The following LHFPL4 variants were observed in gnomAD, a reference collection of about 807,000 sequenced individuals.
LHFPL4 encodes the protein LHFPL tetraspan subfamily member 4 protein.
In LHFPL4, 6 loss-of-function variants were observed where a neutral mutation model predicts 20.0. That is an observed-to-expected ratio of 0.30 (90% CI 0.16 to 0.59). The LOEUF is 0.59. LHFPL4 is among the 20% of genes least tolerant of loss of function. The pLI is 0.88. For synonymous variants in LHFPL4, 129 were observed against 143.8 expected (o/e 0.90, Z 0.74); for missense variants, 215 against 331.2 (o/e 0.65, Z 2.72).
chr3:9,504,993 A>G (rs2046207197), intron 3 of LHFPL4, among the ~76,000 whole-genome samples: 1 of 151,782 alleles, frequency 6.6e-6, no homozygotes. Context: ...ACTGTGGTAC[A>G]TATAACTGAA....
chr3:9,545,990 G>T (rs927844272), intron 2 of LHFPL4, among the ~76,000 whole-genome samples: 1 of 152,040 alleles, frequency 6.6e-6, no homozygotes, highest in Non-Finnish European at 1.5e-5. Flanking sequence ...CCTGGTTGAG[G>T]TTCCTAGCCC....
chr3:9,521,718 A>G (rs370615955), intron 2 of LHFPL4, among the ~76,000 whole-genome samples: 1 of 141,000 alleles, frequency 7.1e-6, no homozygotes. Flanking sequence ...TTTTTTTTTT[A>G]TTAGTATTAA....
intron 2 of LHFPL4, among the ~76,000 whole-genome samples, chr3:9,548,716 G>T (rs1056891649): frequency 6.6e-6 from 1 of 152,186 alleles, no homozygotes; most frequent in African/African-American, 2.4e-5. Context: ...TATCTTTGAG[G>T]GAATTGGCCT....
At chr3:9,546,604 C>T (rs141886571) in intron 2 of LHFPL4, among the ~76,000 whole-genome samples, 170 of 152,322 alleles carry the variant, frequency 1.1e-3, no homozygotes, top group African/African-American at 4.1e-3. Context: ...CTTGTCCCTT[C>T]TCTCTGAGAC....
At chr3:9,544,526 G>A (rs1449699757) in intron 2 of LHFPL4, among the ~76,000 whole-genome samples, 2 of 152,136 alleles carry the variant, frequency 1.3e-5, no homozygotes, top group Non-Finnish European at 2.9e-5. Context: ...TCGGGAGGCT[G>A]AAGCAGGAGA....
chr3:9,527,577 A>C (rs1252063434), intron 2 of LHFPL4, among the ~76,000 whole-genome samples: 1 of 151,880 alleles, frequency 6.6e-6, no homozygotes, highest in Non-Finnish European at 1.5e-5. Context: ...GCATGGTACA[A>C]GCGCCTGTAG....
rs551493608 is a variant in LHFPL4, at chr3:9,527,406, T to TA, written c.407-21204dup. On this transcript the variant is annotated intron_variant, in intron 2 of 3. Coordinates refer to ENST00000287585, the MANE Select transcript of LHFPL4 (RefSeq NM_198560.3). ...CAACATGGCAAAACTCTGACACTAC[T>TA]AAAAAAAATAATAATAATACAAAAA... Among the ~76,000 whole-genome samples the TA allele has an allele frequency of 2.6e-5, 4 of 151,668 alleles. No homozygotes were observed. The East Asian group carries it at 7.7e-4, about 29-fold the overall frequency.
intron 2 of LHFPL4, among the ~76,000 whole-genome samples, chr3:9,545,870 C>T (rs534021204): frequency 6.7e-4 from 102 of 152,290 alleles, no homozygotes; most frequent in African/African-American, 2.2e-3. Flanking sequence ...GATCGCACCA[C>T]TGCACTCCAG....
chr3:9,539,833 T>C (rs936788650), intron 2 of LHFPL4, among the ~76,000 whole-genome samples: 9 of 152,076 alleles, frequency 5.9e-5, no homozygotes, highest in African/African-American at 2.2e-4. Context: ...ATATATAATA[T>C]AACAATTACA....
At chr3:9,522,042 A>T (rs2125660038) in intron 2 of LHFPL4, among the ~76,000 whole-genome samples, 1 of 152,236 alleles carries the variant, frequency 6.6e-6, no homozygotes, top group African/African-American at 2.4e-5. Context: ...TATCAGTTAT[A>T]CTTAAAAAAA....
intron 2 of LHFPL4, among the ~76,000 whole-genome samples, chr3:9,533,605 AC>A (rs1253541516): frequency 2.0e-5 from 3 of 152,110 alleles, no homozygotes; most frequent in Non-Finnish European, 4.4e-5. Context: ...ACATGATGAA[AC>A]CCCGTCTCTA....
At chr3:9,503,556 G>A (rs76729664) in intron 3 of LHFPL4, among the ~76,000 whole-genome samples, 28 of 152,276 alleles carry the variant, frequency 1.8e-4, no homozygotes, top group Admixed American at 6.5e-4. Flanking sequence ...GTTGAGACAG[G>A]GGGGAAGAGC....
At chr3:9,549,671 T>C (rs912110962) in intron 2 of LHFPL4, among the ~76,000 whole-genome samples, 2 of 152,166 alleles carry the variant, frequency 1.3e-5, no homozygotes, top group Non-Finnish European at 2.9e-5. Context: ...CACTCCAGCC[T>C]GGGCAACAAG....
At chr3:9,536,176 C>A (rs2046443213) in intron 2 of LHFPL4, among the ~76,000 whole-genome samples, 1 of 152,178 alleles carries the variant, frequency 6.6e-6, no homozygotes, top group Admixed American at 6.5e-5. Flanking sequence ...ACAGGGAGAT[C>A]CCCCAGGAGA....
Position 9,543,502 on chromosome 3 carries a change from A to C in LHFPL4, c.406+8772T>G, listed in dbSNP as rs1363394634. On this transcript the variant is annotated intron_variant, in intron 2 of 3. Coordinates refer to ENST00000287585, the MANE Select transcript of LHFPL4 (RefSeq NM_198560.3). ...GCAACAGAATGAGATTCTGTCTCAA[A>C]ACAAAAAAAAAAGAAAAAAAAAGTG... 2.0e-5 allele frequency among the ~76,000 whole-genome samples: 3 copies of C among 151,210 alleles called. No homozygotes were observed. In the East Asian group the frequency reaches 5.9e-4, roughly 30 times the overall value.
intron 2 of LHFPL4, among the ~76,000 whole-genome samples, chr3:9,511,186 C>T (rs868747975): frequency 2.6e-5 from 4 of 151,848 alleles, no homozygotes; most frequent in Admixed American, 6.6e-5. Context: ...CCCATCTCTA[C>T]TAAAAATACA....
chr3:9,547,038 G>C (rs564251823), intron 2 of LHFPL4, among the ~76,000 whole-genome samples: 2 of 152,310 alleles, frequency 1.3e-5, no homozygotes, highest in East Asian at 3.9e-4. Context: ...GCCCAGGCTA[G>C]AGTGCAGCGG....
At chr3:9,528,001 TC>T in intron 2 of LHFPL4, among the ~76,000 whole-genome samples, 1 of 152,130 alleles carries the variant, frequency 6.6e-6, no homozygotes, top group Non-Finnish European at 1.5e-5. Flanking sequence ...ATAGCATATG[TC>T]TAAAAAAAAC....
Position 9,552,715 on chromosome 3 carries a change from G to T in LHFPL4, c.-36C>A. 1.2e-5 allele frequency: 15 copies of T among 1,229,502 alleles called. No homozygotes were observed. Among genetic ancestry groups the T allele is most frequent in the Non-Finnish European group, 1.5e-5 (15 of 979,046 alleles). 76.2% of individuals were successfully genotyped at this position (1,229,502 alleles called of 1,614,324 possible). On this transcript the variant is annotated 5_prime_UTR_variant, in exon 2 of 4. Coordinates refer to ENST00000287585, the MANE Select transcript of LHFPL4 (RefSeq NM_198560.3). ...GGCGGGGCCGGCGGCGGCGGCGGCT[G>T]GCGGGGGCCGCCGGCCCGGGACGGA...
Sources: gnomAD v4.1 joint callset for allele counts (sites outside exome capture counted in the v4.1 genomes callset) on GRCh38, gnomAD v4.1.1 for gene constraint, MANE v1.5 for transcripts, NCBI Gene and HGNC (gene_info 2026-07-23, HGNC 2026-07-21) for gene names.